ALPK1: variants seen among roughly 807,000 people sequenced by gnomAD.
The protein encoded by ALPK1 is alpha kinase 1.
ALPK1 carries 110 observed loss-of-function variants against 120.6 expected under a neutral mutation model. That is an observed-to-expected ratio of 0.91 (90% CI 0.78 to 1.07). The LOEUF (loss-of-function observed/expected upper bound fraction) is 1.07. Among genes scored for constraint, ALPK1 ranks in the 50% least tolerant of loss-of-function variants. The pLI is 0.00. For synonymous variants in ALPK1, 582 were observed against 560.3 expected (o/e 1.04, Z -0.55); for missense variants, 1,498 against 1,483.9 (o/e 1.01, Z -0.16).
rs1312529606 is a variant in ALPK1, at chr4:112,411,991, G to A, written c.441G>A (p.Val147=). ...CAGCCACGCCAATTGCCCCGCAGGT[G>A]GTTATTCGCCAAGCCCGAATCTCCG... ...LQPATPIAPQ[V]VIRQARISVN... is the part of the protein sequence containing the mutation. Residue 147 remains valine, a synonymous_variant, in exon 5 of 16, where the codon GTG becomes GTA. Coordinates refer to ENST00000650871, the MANE Select transcript of ALPK1 (RefSeq NM_025144.4). 1 of 1,614,032 alleles carries A rather than the reference G, an allele frequency of 6.2e-7. No homozygotes were observed. The highest frequency in any genetic ancestry group is 2.2e-5 in the East Asian group (1 of 44,892).
chr4:112,425,876 C>G (rs1409624216), intron 7 of ALPK1, 125 bp downstream of exon 7: 2 of 676,890 alleles, frequency 3.0e-6, no homozygotes, highest in East Asian at 5.8e-5. Flanking sequence ...TTAGTTTCCT[C>G]ATCGAAAAGA....
At chr4:112,346,940 A>G (rs1730128206) in intron 2 of ALPK1, among the ~76,000 whole-genome samples, 1 of 152,146 alleles carries the variant, frequency 6.6e-6, no homozygotes, top group Admixed American at 6.5e-5. Flanking sequence ...CTGGGAGGAG[A>G]TGTATTTGCT....
chr4:112,349,551 G>GCCCCACCCCCCCCCCCCC (rs1730244919), intron 2 of ALPK1, among the ~76,000 whole-genome samples: 1 of 103,714 alleles, frequency 9.6e-6, no homozygotes, highest in Admixed American at 1.1e-4. Flanking sequence ...CCCAACCCCT[G>GCCCCACCCCCCCCCCCCC]CCCCCCCCCG....
chr4:112,431,727 G>C lies in ALPK1; in HGVS notation c.2180G>C (p.Gly727Ala), dbSNP rs773694590. ...TCTGCTTCTTGGTCTTCTGATTCTG[G>C]TAGGCCCAAGAATATGGGCACACAT... ...YRSASWSSDS[G>A]RPKNMGTHPS... The change falls in exon 11 of 16, where the codon GGT becomes GCT. Residue 727 changes from glycine (G) to alanine (A), a missense_variant. Coordinates refer to ENST00000650871, the MANE Select transcript of ALPK1 (RefSeq NM_025144.4). 6.2e-7 allele frequency: 1 copy of C among 1,614,136 alleles called. No homozygotes were observed. Among genetic ancestry groups the C allele is most frequent in the South Asian group, 1.1e-5 (1 of 91,078 alleles).
rs545278494 is a variant in ALPK1, at chr4:112,346,989, G to C, written c.-100-30689G>C. Among the ~76,000 whole-genome samples the C allele has an allele frequency of 3.3e-5, 5 of 152,268 alleles. No homozygotes were observed. In the South Asian group the frequency reaches 1.0e-3, roughly 32 times the overall value. ...AATCTATAAATGCAATCACCACTTAGACCTCATCAGTTCTTTTCTTCCCCT... is the reference window on the plus strand; with the variant it reads ...AATCTATAAATGCAATCACCACTTACACCTCATCAGTTCTTTTCTTCCCCT... On this transcript the variant is annotated intron_variant, in intron 2 of 15. Transcript: ENST00000650871.
At chr4:112,316,170 C>T (rs1195497031) in intron 2 of ALPK1, 1 of 152,196 alleles carries the variant, frequency 6.6e-6, no homozygotes, top group East Asian at 1.9e-4. Flanking sequence ...AAATTTGAAA[C>T]TCTGCATCCA....
At chr4:112,424,965 A>AACAAACAG (rs143572545) in intron 6 of ALPK1, 4,585 of 152,320 alleles carry the variant, frequency 0.03, 109 homozygotes, top group Non-Finnish European at 0.046. Context: ...AAAACAAACA[A>AACAAACAG]ACAAACAACA....
At chr4:112,388,745 A>G (rs920474096) in intron 4 of ALPK1, among the ~76,000 whole-genome samples, 18 of 152,206 alleles carry the variant, frequency 1.2e-4, no homozygotes, top group Admixed American at 1.1e-3. Context: ...GAAGAAAGAG[A>G]AGACCCAATT....
intron 5 of ALPK1, chr4:112,414,143 T>A (rs1733621571): frequency 5.0e-6 from 2 of 401,618 alleles, no homozygotes; most frequent in South Asian, 3.4e-5. Context: ...AATCGTGGGG[T>A]GGAGAAGTGA....
chr4:112,372,117 C>T (rs1190135473), intron 2 of ALPK1, among the ~76,000 whole-genome samples: 1 of 152,052 alleles, frequency 6.6e-6, no homozygotes, highest in East Asian at 1.9e-4. Context: ...GTCCTCTTTT[C>T]ATTACTATAT....
At chr4:112,399,748 T>C (rs1335859626) in intron 4 of ALPK1, among the ~76,000 whole-genome samples, 1 of 152,112 alleles carries the variant, frequency 6.6e-6, no homozygotes, top group African/African-American at 2.4e-5. Context: ...TCCCTCCTCT[T>C]GTCCTCCACC....
chr4:112,439,660 T>C lies in ALPK1; in HGVS notation c.3352-26T>C, dbSNP rs1185321046. 2.5e-6 allele frequency: 4 copies of C among 1,585,806 alleles called. No individual in the cohort carries two copies. The African/African-American group carries it at 5.4e-5, about 21-fold the overall frequency. On this transcript the variant is annotated intron_variant, in intron 13 of 15. Coordinates refer to ENST00000650871, the MANE Select transcript of ALPK1 (RefSeq NM_025144.4). ...GACAATGGCCTTTACCATTATGCTG[T>C]AATGTTTCTCATTGCTATTTTTCAG...
chr4:112,305,250 T>C (rs1170467767), intron 1 of ALPK1, among the ~76,000 whole-genome samples: 3 of 152,080 alleles, frequency 2.0e-5, no homozygotes, highest in Admixed American at 6.5e-5. Context: ...TTTGGTTCCA[T>C]ATGAACTTTA....
intron 2 of ALPK1, among the ~76,000 whole-genome samples, chr4:112,333,421 G>T (rs1368216593): frequency 6.6e-6 from 1 of 152,132 alleles, no homozygotes; most frequent in Non-Finnish European, 1.5e-5. Context: ...TACGCTGCAG[G>T]GTTGAGTGAG....
intron 4 of ALPK1, among the ~76,000 whole-genome samples, chr4:112,400,969 TG>T (rs1732883162): frequency 6.6e-6 from 1 of 152,168 alleles, no homozygotes. Context: ...GGAAAGAGCC[TG>T]GAAGATCAGC....
At chr4:112,362,898 C>G (rs1379569254) in intron 2 of ALPK1, among the ~76,000 whole-genome samples, 2 of 152,194 alleles carry the variant, frequency 1.3e-5, no homozygotes, top group African/African-American at 4.8e-5. Flanking sequence ...TCAGCAGAAA[C>G]CCTACATGCT....
intron 4 of ALPK1, among the ~76,000 whole-genome samples, chr4:112,406,504 G>T (rs144766252): frequency 6.6e-6 from 1 of 152,214 alleles, no homozygotes; most frequent in African/African-American, 2.4e-5. Flanking sequence ...GTAGTTTGAA[G>T]TAAAGGAGAT....
intron 2 of ALPK1, among the ~76,000 whole-genome samples, chr4:112,367,351 G>A (rs2148720509): frequency 6.6e-6 from 1 of 152,216 alleles, no homozygotes; most frequent in South Asian, 2.1e-4. Context: ...TTGGGATCAA[G>A]GAGAATTTTA....
Position 112,438,493 on chromosome 4 carries a change from G to A in ALPK1, c.3198G>A (p.Gly1066=). The change falls in exon 13 of 16, where the codon GGG becomes GGA. Residue 1066 remains glycine, a synonymous_variant. Coordinates refer to ENST00000650871, the MANE Select transcript of ALPK1 (RefSeq NM_025144.4). ...HQEEILGRYV[G]KDYKEQKGLW... ...TTTTCTTTGTTCATAGGTATGTTGGGAAAGACTATAAGGAGCAGAAGGGGC... is the reference window on the plus strand; with the variant it reads ...TTTTCTTTGTTCATAGGTATGTTGGAAAAGACTATAAGGAGCAGAAGGGGC... 3.1e-6 allele frequency: 5 copies of A among 1,613,088 alleles called. No homozygotes were observed. The highest frequency in any genetic ancestry group is 4.2e-6 in the Non-Finnish European group (5 of 1,179,454).
Sources: allele counts gnomAD v4.1 joint callset (sites outside exome capture counted in the v4.1 genomes callset), GRCh38; gene constraint gnomAD v4.1.1; transcripts MANE v1.5; gene names NCBI Gene and HGNC (gene_info 2026-07-23, HGNC 2026-07-21).